Variants in UIMC1 observed in about 807,000 individuals in gnomAD.
UIMC1 encodes ubiquitin interaction motif containing 1, also known as BRCA1-A complex subunit RAP80.
Under a neutral mutation model 84.9 loss-of-function variants are expected in UIMC1, and 42 were observed. The observed-to-expected ratio is 0.49, with a 90% confidence interval of 0.39 to 0.64. The LOEUF (loss-of-function observed/expected upper bound fraction) is 0.64. Among genes scored for constraint, UIMC1 ranks in the 30% least tolerant of loss-of-function variants. The probability of loss-of-function intolerance (pLI) is 0.00; values close to 1 mark genes in which losing one functional copy is unlikely to be tolerated. For missense variants in UIMC1, 825 were observed against 847.6 expected (o/e 0.97, Z 0.33); for synonymous variants, 281 against 293.0 (o/e 0.96, Z 0.42).
upstream of UIMC1, among the ~76,000 whole-genome samples, chr5:177,006,981 T>C (rs1163380394): frequency 2.0e-5 from 3 of 152,200 alleles, no homozygotes; most frequent in Admixed American, 2.0e-4. Context: ...CGGCCACTTT[T>C]GAGGACAATT....
At chr5:176,998,988 G>A (rs759381436) in intron 1 of UIMC1, among the ~76,000 whole-genome samples, 1 of 151,914 alleles carries the variant, frequency 6.6e-6, no homozygotes, top group African/African-American at 2.4e-5. Context: ...TAGGGGGTTT[G>A]AGACCAGCCT....
intron 1 of UIMC1, among the ~76,000 whole-genome samples, chr5:176,988,840 C>T (rs1165594493): frequency 6.6e-6 from 1 of 151,956 alleles, no homozygotes; most frequent in Non-Finnish European, 1.5e-5. Context: ...TGTGCCACCA[C>T]GCCAGGCTAA....
intron 1 of UIMC1, among the ~76,000 whole-genome samples, chr5:176,984,005 G>A (rs1250236280): frequency 3.5e-4 from 43 of 123,610 alleles, no homozygotes; most frequent in South Asian, 5.7e-4. Flanking sequence ...CGGCCGCCCC[G>A]TCTGGGAAGT....
intron 6 of UIMC1, among the ~76,000 whole-genome samples, chr5:176,960,048 T>C (rs1030268477): frequency 6.6e-6 from 1 of 152,240 alleles, no homozygotes; most frequent in Non-Finnish European, 1.5e-5. Flanking sequence ...AACAAAATTA[T>C]TGTGCTTCTA....
chr5:176,938,246 A>AG (rs1426658962), intron 10 of UIMC1, among the ~76,000 whole-genome samples: 1 of 151,982 alleles, frequency 6.6e-6, no homozygotes, highest in East Asian at 1.9e-4. Context: ...ACAGTAAAAA[A>AG]AAAAAAAGGC....
chr5:176,928,610 CA>C (rs1762681626), intron 10 of UIMC1, among the ~76,000 whole-genome samples: 1 of 152,106 alleles, frequency 6.6e-6, no homozygotes, highest in Non-Finnish European at 1.5e-5. Flanking sequence ...AACAAAAAAA[CA>C]ATTATTGGAC....
At chr5:176,941,244 T>A (rs1764380548) in intron 10 of UIMC1, among the ~76,000 whole-genome samples, 2 of 152,140 alleles carry the variant, frequency 1.3e-5, no homozygotes, top group Non-Finnish European at 2.9e-5. Flanking sequence ...AAAAGCAGAA[T>A]ATAAAATTTT....
upstream of UIMC1, among the ~76,000 whole-genome samples, chr5:177,008,671 T>C (rs938237202): frequency 6.6e-6 from 1 of 152,168 alleles, no homozygotes; most frequent in Non-Finnish European, 1.5e-5. Flanking sequence ...GCCTGTAAGA[T>C]GGCCCTAGAT....
intron 1 of UIMC1, among the ~76,000 whole-genome samples, chr5:176,997,034 A>G (rs353476): frequency 0.43 from 64,606 of 151,224 alleles, 13,982 homozygotes; most frequent in East Asian, 0.48. Context: ...ACGCGTGCGC[A>G]CACACACACA....
intron 9 of UIMC1, 92 bp from the exon 10 acceptor site, chr5:176,943,580 A>G: frequency 6.9e-7 from 1 of 1,458,772 alleles, no homozygotes; most frequent in Non-Finnish European, 9.3e-7. Context: ...TATTTCACTT[A>G]CTTTCAAAGA....
chr5:177,017,193 A>C (rs1451139118), intron 1 of UIMC1, among the ~76,000 whole-genome samples: 1 of 152,166 alleles, frequency 6.6e-6, no homozygotes, highest in African/African-American at 2.4e-5. Flanking sequence ...TCAGATTCTG[A>C]TTCAAACAAC....
At chr5:176,961,182 T>C (rs1767359671) in intron 6 of UIMC1, among the ~76,000 whole-genome samples, 1 of 50,862 alleles carries the variant, frequency 2.0e-5, no homozygotes, top group Non-Finnish European at 3.5e-5. Context: ...ATCTAGGAAG[T>C]GAGGAGCGCC....
chr5:176,992,381 T>G (rs974278363), intron 1 of UIMC1, among the ~76,000 whole-genome samples: 1 of 151,876 alleles, frequency 6.6e-6, no homozygotes, highest in African/African-American at 2.4e-5. Context: ...TCCCAGCACT[T>G]TGGGGAGCCA....
At chr5:176,953,908 G>A in intron 8 of UIMC1, among the ~76,000 whole-genome samples, 1 of 151,940 alleles carries the variant, frequency 6.6e-6, no homozygotes, top group South Asian at 2.1e-4. Flanking sequence ...CACCCATTTG[G>A]AACAAATTTT....
intron 10 of UIMC1, among the ~76,000 whole-genome samples, chr5:176,922,589 T>C (rs568285432): frequency 8.5e-5 from 13 of 152,372 alleles, no homozygotes; most frequent in African/African-American, 3.1e-4. Flanking sequence ...TTTGAATCCT[T>C]ATATAATACT....
At chr5:176,984,408 C>T (rs1771627542) in intron 1 of UIMC1, among the ~76,000 whole-genome samples, 1 of 141,696 alleles carries the variant, frequency 7.1e-6, no homozygotes, top group Non-Finnish European at 1.5e-5. Flanking sequence ...TCTGCCCGGC[C>T]GCCACCCCGT....
intron 8 of UIMC1, among the ~76,000 whole-genome samples, chr5:176,954,970 G>A (rs1766412857): frequency 6.6e-6 from 1 of 152,130 alleles, no homozygotes. Context: ...GGGAAAACCA[G>A]ATGTGACTTA....
At chr5:176,954,747 C>CAA (rs79682515) in intron 8 of UIMC1, among the ~76,000 whole-genome samples, 12 of 63,972 alleles carry the variant, frequency 1.9e-4, no homozygotes, top group African/African-American at 2.4e-4. Flanking sequence ...AACTCTGTCT[C>CAA]AAAAAAAAAA....
At chr5:176,998,622 C>G (rs992704436) in intron 1 of UIMC1, among the ~76,000 whole-genome samples, 1 of 151,816 alleles carries the variant, frequency 6.6e-6, no homozygotes, top group African/African-American at 2.4e-5. Context: ...ACAAAATTAG[C>G]CAGGCGTGGT....
Sources: allele counts gnomAD v4.1 joint callset (sites outside exome capture counted in the v4.1 genomes callset), GRCh38; gene constraint gnomAD v4.1.1; transcripts MANE v1.5; gene names NCBI Gene and HGNC (gene_info 2026-07-23, HGNC 2026-07-21).